The following ANKS1B variants were observed in gnomAD, a reference collection of about 807,000 sequenced individuals.
The protein encoded by ANKS1B is ankyrin repeat and sterile alpha motif domain containing 1B, also known as ankyrin repeat and sterile alpha motif domain-containing protein 1B.
In ANKS1B, 36 loss-of-function variants were observed where a neutral mutation model predicts 148.3. The ratio of observed to expected loss-of-function variants is 0.24; its 90% CI spans 0.19 to 0.32. The LOEUF (loss-of-function observed/expected upper bound fraction) is 0.32. Among genes scored for constraint, ANKS1B ranks in the 10% least tolerant of loss-of-function variants. The pLI, the probability that ANKS1B is intolerant of heterozygous loss-of-function variation, is 1.00. For missense variants in ANKS1B, 1,157 were observed against 1,542.6 expected (o/e 0.75, Z 4.19); for synonymous variants, 542 against 560.8 (o/e 0.97, Z 0.47).
intron 17 of ANKS1B, among the ~76,000 whole-genome samples, chr12:98,966,697 C>T (rs1218434626): frequency 1.3e-5 from 2 of 152,144 alleles, no homozygotes; most frequent in East Asian, 3.9e-4. Flanking sequence ...GGCACTTATA[C>T]ACCATGGAAT....
intron 9 of ANKS1B, among the ~76,000 whole-genome samples, chr12:99,517,683 A>G (rs2096835457): frequency 1.3e-5 from 2 of 151,996 alleles, no homozygotes; most frequent in Non-Finnish European, 2.9e-5. Context: ...TTTGACTTCT[A>G]CCTTTCCAAT....
intron 15 of ANKS1B, among the ~76,000 whole-genome samples, chr12:99,133,044 TTTTC>T (rs1382429658): frequency 7.3e-5 from 11 of 151,044 alleles, no homozygotes; most frequent in Non-Finnish European, 1.3e-4. Context: ...TTTTTTTTCT[TTTTC>T]TTTCTTTCTT....
intron 17 of ANKS1B, among the ~76,000 whole-genome samples, chr12:98,873,991 T>A (rs1356714013): frequency 6.6e-6 from 1 of 151,722 alleles, no homozygotes; most frequent in Non-Finnish European, 1.5e-5. Flanking sequence ...GATGATGGAG[T>A]CAGGATGACT....
At chr12:99,947,942 A>G (rs1348894944) in intron 1 of ANKS1B, among the ~76,000 whole-genome samples, 2 of 152,182 alleles carry the variant, frequency 1.3e-5, no homozygotes, top group Non-Finnish European at 2.9e-5. Context: ...GACCTTTATC[A>G]TATTTTGAAT....
At chr12:99,732,129 G>A (rs977599877) in intron 8 of ANKS1B, among the ~76,000 whole-genome samples, 2 of 152,114 alleles carry the variant, frequency 1.3e-5, no homozygotes, top group African/African-American at 4.8e-5. Context: ...CTATTAAAAT[G>A]GCTAAAACTT....
chr12:99,767,872 CTTATA>C (rs2062804112), intron 8 of ANKS1B, among the ~76,000 whole-genome samples: 1 of 152,034 alleles, frequency 6.6e-6, no homozygotes, highest in Non-Finnish European at 1.5e-5. Flanking sequence ...TAATTTTTAA[CTTATA>C]TTAGTAAAAG....
At chr12:99,282,251 G>A (rs919558549) in intron 12 of ANKS1B, among the ~76,000 whole-genome samples, 4 of 152,154 alleles carry the variant, frequency 2.6e-5, no homozygotes, top group Admixed American at 6.6e-5. Flanking sequence ...TAGCAGGTGC[G>A]AAGTCCCTGA....
chr12:99,656,690 A>T (rs189499258), intron 8 of ANKS1B, among the ~76,000 whole-genome samples: 73 of 152,214 alleles, frequency 4.8e-4, no homozygotes, highest in Admixed American at 9.2e-4. Context: ...AAGCATGAAA[A>T]TTTGCAGAAA....
At chr12:99,562,449 G>A (rs1393565616) in intron 9 of ANKS1B, among the ~76,000 whole-genome samples, 1 of 152,174 alleles carries the variant, frequency 6.6e-6, no homozygotes, top group Non-Finnish European at 1.5e-5. Context: ...ATACAAGACT[G>A]TTTAATCTAC....
rs568249467 is a variant in ANKS1B, at chr12:98,897,726, A to T, written c.2779-65590T>A. Among the ~76,000 whole-genome samples, 6 of 152,344 alleles carry T rather than the reference A, an allele frequency of 3.9e-5. No individual in the cohort carries two copies. In the South Asian group the frequency reaches 1.2e-3, roughly 32 times the overall value. The stretch of plus-strand genomic sequence containing the variant: ...CAATCCCAATACTGGGTATCTACTC[A>T]AAGGAAAATAAATTGTTATATCAAG... On this transcript the variant is annotated intron_variant, in intron 17 of 26. Coordinates refer to ENST00000683438, the MANE Select transcript of ANKS1B (RefSeq NM_001352186.2).
chr12:99,284,606 G>A (rs1041361221), intron 12 of ANKS1B, among the ~76,000 whole-genome samples: 1 of 151,946 alleles, frequency 6.6e-6, no homozygotes, highest in Non-Finnish European at 1.5e-5. Flanking sequence ...TTCTTGCCAG[G>A]ACAATGACAA....
At chr12:99,540,472 C>A (rs1323522822) in intron 9 of ANKS1B, among the ~76,000 whole-genome samples, 1 of 152,010 alleles carries the variant, frequency 6.6e-6, no homozygotes, top group Non-Finnish European at 1.5e-5. Context: ...AAGGTATGTT[C>A]TCTGACCATA....
chr12:99,285,421 A>T lies in ANKS1B; in HGVS notation c.1757-38557T>A, dbSNP rs75859145. On this transcript the variant is annotated intron_variant, in intron 12 of 26. Transcript: ENST00000683438. ...TCTATTAGAAATAAAGCTACTATGG[A>T]CATTTGTATAAAACTCATTCTATCG... 4.3e-3 allele frequency among the ~76,000 whole-genome samples: 662 copies of T among 152,320 alleles called. 25 individuals carry two copies. The East Asian group carries it at 0.069, about 16-fold the overall frequency.
chr12:99,535,170 A>G (rs1453286957), intron 9 of ANKS1B, among the ~76,000 whole-genome samples: 2 of 152,222 alleles, frequency 1.3e-5, no homozygotes, highest in Non-Finnish European at 2.9e-5. Flanking sequence ...TTCTTTAAGA[A>G]GACAAAATAA....
Position 99,590,353 on chromosome 12 carries a change from C to T in ANKS1B, c.1272+64714G>A, listed in dbSNP as rs148941299. On this transcript the variant is annotated intron_variant, in intron 9 of 26. Coordinates refer to ENST00000683438, the MANE Select transcript of ANKS1B (RefSeq NM_001352186.2). ...CATAGTCCTTACTCTATGGAGTTGC[C>T]GGTCTAATGGGGAAGGTACATTTAA... 1.0e-3 allele frequency among the ~76,000 whole-genome samples: 157 copies of T among 151,384 alleles called. 2 individuals are homozygous for T. The highest frequency in any genetic ancestry group is 3.2e-3 in the African/African-American group (132 of 41,198).
Position 99,817,445 on chromosome 12 carries a change from T to C in ANKS1B, c.216-5134A>G, listed in dbSNP as rs141805711. ...AAGTAGGTTGATCCCATATCTTAGC[T>C]ATTGGGAATAGTGCTGCAATAAACT... On this transcript the variant is annotated intron_variant, in intron 2 of 26. Coordinates refer to ENST00000683438, the MANE Select transcript of ANKS1B (RefSeq NM_001352186.2). Among the ~76,000 whole-genome samples, 311 of 151,962 alleles carry C rather than the reference T, an allele frequency of 2.0e-3. 2 individuals are homozygous for C. The highest frequency in any genetic ancestry group is 3.1e-3 in the Non-Finnish European group (208 of 67,816).
intron 19 of ANKS1B, among the ~76,000 whole-genome samples, chr12:98,811,960 AT>A (rs1566784054): frequency 2.0e-5 from 3 of 152,330 alleles, no homozygotes; most frequent in South Asian, 4.1e-4. Context: ...ATTAAAAAAA[AT>A]CATATAAAAT....
intron 8 of ANKS1B, among the ~76,000 whole-genome samples, chr12:99,664,943 T>A (rs918609845): frequency 3.3e-5 from 5 of 152,218 alleles, no homozygotes; most frequent in East Asian, 1.9e-4. Context: ...TACTTTTGCA[T>A]ATCAGTAGTT....
chr12:99,965,506 A>G (rs1272275449), intron 1 of ANKS1B, among the ~76,000 whole-genome samples: 1 of 152,238 alleles, frequency 6.6e-6, no homozygotes, highest in East Asian at 1.9e-4. Context: ...GAAGTTTGAC[A>G]ACCACCATCA....
Sources: allele counts gnomAD v4.1 joint callset (sites outside exome capture counted in the v4.1 genomes callset), GRCh38; gene constraint gnomAD v4.1.1; transcripts MANE v1.5; gene names NCBI Gene and HGNC (gene_info 2026-07-23, HGNC 2026-07-21).